The following ADRA1A variants were observed in gnomAD, a reference collection of about 807,000 sequenced individuals.
ADRA1A encodes alpha-1A adrenergic receptor.
A neutral mutation model predicts 29.6 loss-of-function variants in ADRA1A; 31 were observed. The observed-to-expected ratio is 1.05, with a 90% CI of 0.79 to 1.41. ADRA1A has a LOEUF of 1.41. Among genes scored for constraint, ADRA1A ranks in the 40% most tolerant of loss-of-function variants. The pLI is 0.00. For synonymous variants in ADRA1A, 311 were observed against 254.3 expected, an observed-to-expected ratio of 1.22 and a Z score of -2.12; for missense variants, 619 against 601.1, an observed-to-expected ratio of 1.03 and a Z score of -0.31.
At chr8:26,838,259 C>G (rs956106297) in intron 2 of ADRA1A, among the ~76,000 whole-genome samples, 1 of 152,108 alleles carries the variant, frequency 6.6e-6, no homozygotes, top group Non-Finnish European at 1.5e-5. Context: ...TTTAACAAAG[C>G]AAGGCACAGG....
At chr8:26,835,477 AG>A (rs933908271) in intron 2 of ADRA1A, among the ~76,000 whole-genome samples, 2 of 152,200 alleles carry the variant, frequency 1.3e-5, no homozygotes, top group African/African-American at 4.8e-5. Flanking sequence ...TTATGCTGAA[AG>A]GGGAAGCAAA....
At position 26,848,322 on chromosome 8, in the gene ADRA1A, C is replaced by A. The variant is rs1812363361; in HGVS notation, c.883+15765G>T. 6.6e-6 allele frequency among the ~76,000 whole-genome samples: 1 copy of A among 152,222 alleles called. No individual in the cohort carries two copies. The highest frequency in any genetic ancestry group is 1.5e-5 in the Non-Finnish European group (1 of 68,042). On this transcript the variant is annotated intron_variant, in intron 2 of 2. Coordinates refer to ENST00000380573, the MANE Select transcript of ADRA1A (RefSeq NM_000680.4). This position sits in a 1 kb window ranked among gnomAD's most constrained non-coding sequence, Gnocchi z 4.3. ...CCAAATCCACATGTTGAAACCCTAA[C>A]CACCAGTGTGATGGTGTTAGGAGGT...
intron 2 of ADRA1A, among the ~76,000 whole-genome samples, chr8:26,798,766 T>G (rs1808362409): frequency 6.6e-6 from 1 of 152,138 alleles, no homozygotes; most frequent in Non-Finnish European, 1.5e-5. Flanking sequence ...TAAGATTATT[T>G]CTATAAGAAA....
intron 2 of ADRA1A, among the ~76,000 whole-genome samples, chr8:26,836,944 G>T (rs1811415410): frequency 1.3e-5 from 2 of 152,256 alleles, no homozygotes; most frequent in South Asian, 4.1e-4. Context: ...CAAACGACCA[G>T]CCCAGGAAGG....
chr8:26,786,319 T>C (rs7820457), intron 2 of ADRA1A, among the ~76,000 whole-genome samples: 54,021 of 151,324 alleles, frequency 0.36, 11,297 homozygotes, highest in East Asian at 0.84. Context: ...ACTGCAACCT[T>C]CGCCTCCCAG....
chr8:26,758,645 G>A (rs994091288), intron 2 of ADRA1A, among the ~76,000 whole-genome samples: 7 of 152,138 alleles, frequency 4.6e-5, no homozygotes, highest in African/African-American at 1.2e-4. Flanking sequence ...GCCCAGGCCC[G>A]TGGTTCCCAG....
intron 2 of ADRA1A, among the ~76,000 whole-genome samples, chr8:26,827,509 T>C (rs533104627): frequency 1.3e-5 from 2 of 152,252 alleles, no homozygotes; most frequent in African/African-American, 2.4e-5. Flanking sequence ...GTACCAGCAG[T>C]TGCGGTGTCT....
intron 2 of ADRA1A, among the ~76,000 whole-genome samples, chr8:26,847,229 TA>T (rs540215540): frequency 2.2e-4 from 33 of 149,658 alleles, no homozygotes; most frequent in East Asian, 4.1e-4. Flanking sequence ...TAATAATAAA[TA>T]AAAAAAAGAA....
In ADRA1A at chr8:26,815,947, G is replaced by A. The variant is rs541884051; in HGVS notation, c.884-45281C>T. 9.2e-5 allele frequency among the ~76,000 whole-genome samples: 14 copies of A among 152,300 alleles called. No individual in the cohort carries two copies. Among genetic ancestry groups the A allele is most frequent in the East Asian group, 3.9e-4 (2 of 5,170 alleles). ...CAGGATGAGAAGCAAGGGAGGGGGC[G>A]TGTCCAGGTGCTGCTGGTTGCTTTA... On this transcript the variant is annotated intron_variant, in intron 2 of 2. Transcript: ENST00000380573. The surrounding 1 kb of genome is among the most constrained non-coding windows in gnomAD (Gnocchi z 4.2).
Position 26,756,433 on chromosome 8 carries a change from T to G in ADRA1A, c.*326A>C. 3 of 1,392,394 alleles carry G rather than the reference T, an allele frequency of 2.2e-6. No individual in the cohort carries two copies. The South Asian group carries it at 4.2e-5, about 20-fold the overall frequency. 86.3% of individuals were successfully genotyped at this position (1,392,394 alleles called of 1,614,324 possible). ...ACGTGGCTGATGATTCTCAATTAAC[T>G]TTTAAGAATGAAATGGGGGAGGGAG... On this transcript the variant is annotated 3_prime_UTR_variant, in exon 3 of 3. Coordinates refer to the ADRA1A transcript ENST00000380582.
chr8:26,838,606 T>G (rs1305914854), intron 2 of ADRA1A, among the ~76,000 whole-genome samples: 1 of 152,222 alleles, frequency 6.6e-6, no homozygotes, highest in Non-Finnish European at 1.5e-5. Context: ...CTAAGCCACT[T>G]TCATCATTCA....
intron 2 of ADRA1A, among the ~76,000 whole-genome samples, chr8:26,786,193 A>G (rs909209844): frequency 1.3e-5 from 2 of 151,358 alleles, no homozygotes; most frequent in Non-Finnish European, 2.9e-5. Flanking sequence ...TCTCTTCCCT[A>G]TCCCCTGCTC....
intron 2 of ADRA1A, among the ~76,000 whole-genome samples, chr8:26,807,046 C>A (rs1046739041): frequency 5.9e-5 from 9 of 152,204 alleles, no homozygotes; most frequent in Non-Finnish European, 1.0e-4. Flanking sequence ...TCCAGTAACT[C>A]TTGGCTTATC....
chr8:26,846,940 A>G (rs977865515), intron 2 of ADRA1A, among the ~76,000 whole-genome samples: 2 of 152,224 alleles, frequency 1.3e-5, no homozygotes, highest in Non-Finnish European at 2.9e-5. Flanking sequence ...GAAATTGGAA[A>G]TCATCATTCT....
Position 26,865,201 on chromosome 8 carries a change from C to T in ADRA1A, c.-232G>A. Reference sequence around the variant, plus strand: ...AGGGCATTAAAGACATGGCCAGGGGCGCGCGGGGCTGCCGGGGACCCTCTC... The same window carrying T: ...AGGGCATTAAAGACATGGCCAGGGGTGCGCGGGGCTGCCGGGGACCCTCTC... On this transcript the variant is annotated 5_prime_UTR_variant, in exon 2 of 3. Coordinates refer to ENST00000380573, the MANE Select transcript of ADRA1A (RefSeq NM_000680.4). The surrounding 1 kb of genome is among the most constrained non-coding windows in gnomAD (Gnocchi z 7.6). The T allele has an allele frequency of 2.2e-6, 3 of 1,367,406 alleles. No individual in the cohort carries two copies. In the South Asian group the frequency reaches 5.1e-5, roughly 23 times the overall value. 84.7% of individuals were successfully genotyped at this position (1,367,406 alleles called of 1,614,324 possible).
chr8:26,817,862 T>G (rs1406613544), intron 2 of ADRA1A, among the ~76,000 whole-genome samples: 1 of 152,120 alleles, frequency 6.6e-6, no homozygotes, highest in Non-Finnish European at 1.5e-5. Context: ...AAATAAAAAC[T>G]TGTTCATTTA....
At chr8:26,854,961 G>A (rs1163041975) in intron 2 of ADRA1A, among the ~76,000 whole-genome samples, 1 of 152,142 alleles carries the variant, frequency 6.6e-6, no homozygotes, top group Non-Finnish European at 1.5e-5. Context: ...ACAGCTAGAA[G>A]GTACCATCCA....
intron 2 of ADRA1A, among the ~76,000 whole-genome samples, chr8:26,834,797 G>C (rs1004804170): frequency 6.6e-6 from 1 of 152,202 alleles, no homozygotes; most frequent in Non-Finnish European, 1.5e-5. Context: ...GACCCATCCA[G>C]TTGGAACTCT....
rs1316435880 is a variant in ADRA1A at position 26,860,363 on chromosome 8, CTG to C, written c.883+3722_883+3723del. Among the ~76,000 whole-genome samples the C allele has an allele frequency of 6.6e-6, 1 of 152,166 alleles. No individual in the cohort carries two copies. The highest frequency in any genetic ancestry group is 2.4e-5 in the African/African-American group (1 of 41,444). On this transcript the variant is annotated intron_variant, in intron 2 of 2. Transcript: ENST00000380573. This position sits in a 1 kb window ranked among gnomAD's most constrained non-coding sequence, Gnocchi z 4.7. ...TGGATGCTCCCTAACCTGACCGAGT[CTG>C]TGTCTCTTCACACACACACTCTCTG...
Sources: allele counts gnomAD v4.1 joint callset (sites outside exome capture counted in the v4.1 genomes callset), GRCh38; gene constraint gnomAD v4.1.1; non-coding constraint Gnocchi (gnomAD v3.1); transcripts MANE v1.5; gene names NCBI Gene and HGNC (gene_info 2026-07-23, HGNC 2026-07-21).